NR5A2: variants seen among roughly 807,000 people sequenced by gnomAD.
NR5A2 encodes the protein nuclear receptor subfamily 5 group A member 2.
A neutral mutation model predicts 62.7 loss-of-function variants in NR5A2; 26 were observed. The ratio of observed to expected loss-of-function variants is 0.41; its 90% confidence interval spans 0.30 to 0.58. The LOEUF (loss-of-function observed/expected upper bound fraction) is 0.58. NR5A2 is among the 20% of genes least tolerant of loss of function. The pLI is 0.22. For synonymous variants in NR5A2, 246 were observed against 241.7 expected, an observed-to-expected ratio of 1.02 and a Z score of -0.16; for missense variants, 541 against 669.1, an observed-to-expected ratio of 0.81 and a Z score of 2.11.
At chr1:200,084,897 G>A (rs1478725679) in intron 5 of NR5A2, among the ~76,000 whole-genome samples, 3 of 152,176 alleles carry the variant, frequency 2.0e-5, no homozygotes, top group African/African-American at 7.2e-5. Context: ...ATAATGCTAT[G>A]GTCGAATACT....
intron 7 of NR5A2, among the ~76,000 whole-genome samples, chr1:200,173,401 T>G (rs1484274529): frequency 6.6e-6 from 1 of 152,234 alleles, no homozygotes; most frequent in Non-Finnish European, 1.5e-5. Flanking sequence ...AATATTCTGT[T>G]GGCAGTCACT....
rs751524015 is a variant in NR5A2, at chr1:200,175,322, T to C, written c.*1112T>C. 2.0e-5 allele frequency: 3 copies of C among 152,468 alleles called. No individual in the cohort carries two copies. The highest frequency in any genetic ancestry group is 4.4e-5 in the Non-Finnish European group (3 of 68,036). 9.4% of individuals were successfully genotyped at this position (152,468 alleles called of 1,614,324 possible). On this transcript the variant is annotated 3_prime_UTR_variant, in exon 8 of 8. Coordinates refer to ENST00000367362, the MANE Select transcript of NR5A2 (RefSeq NM_205860.3). ...AATTGAACATCCTCAAGAGTTGGGA[T>C]GGAAATGGTGATTTTTACATGTGTC...
At chr1:200,045,852 A>G (rs1032472009) in intron 4 of NR5A2, among the ~76,000 whole-genome samples, 2 of 152,154 alleles carry the variant, frequency 1.3e-5, no homozygotes, top group African/African-American at 4.8e-5. Context: ...TGCATTAGAC[A>G]CAAAAAAGGG....
chr1:200,033,119 A>G (rs1307881671), intron 1 of NR5A2, among the ~76,000 whole-genome samples: 2 of 152,182 alleles, frequency 1.3e-5, no homozygotes, highest in Admixed American at 6.6e-5. Flanking sequence ...GGTGGGACAA[A>G]GGCACTTCTG....
chr1:200,079,550 A>G (rs1174815932), intron 5 of NR5A2, among the ~76,000 whole-genome samples: 3 of 152,220 alleles, frequency 2.0e-5, no homozygotes, highest in Non-Finnish European at 2.9e-5. Flanking sequence ...TAAAACGGGC[A>G]TTGGCTTTCA....
chr1:200,143,435 C>T (rs2363574), intron 7 of NR5A2, among the ~76,000 whole-genome samples: 130,260 of 149,802 alleles, frequency 0.87, 58,458 homozygotes, highest in Non-Finnish European at 0.98. Context: ...TTTTTTTTTT[C>T]CCCCTTCTTT....
chr1:200,110,385 T>C (rs1665886587), intron 5 of NR5A2, among the ~76,000 whole-genome samples: 1 of 152,292 alleles, frequency 6.6e-6, no homozygotes, highest in Admixed American at 6.5e-5. Context: ...GGACTGGACA[T>C]GAGACAGATG....
chr1:200,106,011 G>A (rs1227906832), intron 5 of NR5A2, among the ~76,000 whole-genome samples: 1 of 121,534 alleles, frequency 8.2e-6, no homozygotes, highest in Non-Finnish European at 1.8e-5. Flanking sequence ...CTAAATGTGG[G>A]CTTGACAAAG....
At position 200,039,639 on chromosome 1, in the gene NR5A2, C is replaced by T; in HGVS notation, c.65-19C>T. On this transcript the variant is annotated intron_variant, in intron 1 of 7. Coordinates refer to ENST00000367362, the MANE Select transcript of NR5A2 (RefSeq NM_205860.3). This position sits in a 1 kb window ranked among gnomAD's most constrained non-coding sequence, Gnocchi z 5.1. ...TTCCTTCTTTTCGCCGGAGTTGAAT[C>T]TGTGCTGCCCGTGTCCAGGTGCTGG... The T allele has an allele frequency of 6.2e-7, 1 of 1,609,642 alleles. No homozygotes were observed. The highest frequency in any genetic ancestry group is 8.5e-7 in the Non-Finnish European group (1 of 1,178,222).
chr1:200,085,644 C>A (rs1169331939), intron 5 of NR5A2, among the ~76,000 whole-genome samples: 28 of 140,336 alleles, frequency 2.0e-4, no homozygotes, highest in African/African-American at 7.0e-4. Flanking sequence ...TAGAGCACAA[C>A]AGAATGAAGA....
intron 7 of NR5A2, among the ~76,000 whole-genome samples, chr1:200,129,588 C>G (rs751414689): frequency 6.6e-6 from 1 of 152,176 alleles, no homozygotes; most frequent in Non-Finnish European, 1.5e-5. Context: ...CCATGCATAG[C>G]CTCTTCACCC....
rs550551812 is a variant in NR5A2, at chr1:200,177,367, AT to A, written c.*3167del. On this transcript the variant is annotated 3_prime_UTR_variant, in exon 8 of 8. Transcript: ENST00000367362. ...GCCAGGAACTTCTCAACAAAATGGA[AT>A]TTTTTTTTTCAGTATTTCAATAAAT... 0.13 allele frequency: 3,750 copies of A among 28,584 alleles called. 66 individuals are homozygous for A. The highest frequency in any genetic ancestry group is 0.21 in the Non-Finnish European group (2,740 of 12,914). 1.8% of individuals were successfully genotyped at this position (28,584 alleles called of 1,614,324 possible). A position where few individuals can be genotyped will look rare whatever the true frequency, so the allele number is the denominator to read the frequency against.
chr1:200,110,217 G>A (rs899313557), intron 5 of NR5A2, among the ~76,000 whole-genome samples: 4 of 152,140 alleles, frequency 2.6e-5, no homozygotes, highest in African/African-American at 7.2e-5. Flanking sequence ...ACATATAAAT[G>A]GCAGTTGCTT....
intron 5 of NR5A2, among the ~76,000 whole-genome samples, chr1:200,095,140 A>G (rs896939017): frequency 6.6e-6 from 1 of 151,286 alleles, no homozygotes; most frequent in Non-Finnish European, 1.5e-5. Context: ...AAAAAAAAAA[A>G]AAAGATCTCA....
chr1:200,157,583 CT>C (rs1182505673), intron 7 of NR5A2, among the ~76,000 whole-genome samples: 2 of 152,202 alleles, frequency 1.3e-5, no homozygotes, highest in Non-Finnish European at 2.9e-5. Flanking sequence ...GTTATTTTCT[CT>C]GCCACATGGT....
Position 200,066,588 on chromosome 1 carries a change from C to CTTTTTTTTTTTTTTTTT in NR5A2, c.1110+17771_1110+17787dup, listed in dbSNP as rs756874909. On this transcript the variant is annotated intron_variant, in intron 5 of 7. Coordinates refer to ENST00000367362, the MANE Select transcript of NR5A2 (RefSeq NM_205860.3). The stretch of plus-strand genomic sequence containing the variant: ...CCCTGCCATCTATTTAATTAATTAT[C>CTTTTTTTTTTTTTTTTT]TTTTTTTTTTTTTTTTTGAGAGGGA... Among the ~76,000 whole-genome samples the CTTTTTTTTTTTTTTTTT allele has an allele frequency of 1.3e-3, 145 of 113,120 alleles. 18 individuals carry two copies. The highest frequency in any genetic ancestry group is 3.6e-3 in the African/African-American group (88 of 24,438). 74.2% of individuals were successfully genotyped at this position (113,120 alleles called of 152,430 possible). A position where few individuals can be genotyped will look rare whatever the true frequency, so the allele number is the denominator to read the frequency against.
At position 200,174,019 on chromosome 1, in the gene NR5A2, G is replaced by T. The variant is rs1286138099; in HGVS notation, c.1435G>T (p.Ala479Ser). ...LVEGVQEQVN[A>S]ALLDYTMCNY... ...AGAAGGTGTCCAGGAACAAGTCAATGCCGCCCTGCTGGACTACACAATGTG... is the reference window on the plus strand; with the variant it reads ...AGAAGGTGTCCAGGAACAAGTCAATTCCGCCCTGCTGGACTACACAATGTG... Residue 479 changes from alanine to serine, a missense_variant, in exon 8 of 8, where the codon GCC becomes TCC. Coordinates refer to ENST00000367362, the MANE Select transcript of NR5A2 (RefSeq NM_205860.3). 6.2e-7 allele frequency: 1 copy of T among 1,602,834 alleles called. No individual in the cohort carries two copies. The highest frequency in any genetic ancestry group is 8.5e-7 in the Non-Finnish European group (1 of 1,175,198).
intron 5 of NR5A2, among the ~76,000 whole-genome samples, chr1:200,073,461 C>T (rs1321119048): frequency 6.6e-6 from 1 of 151,312 alleles, no homozygotes; most frequent in Non-Finnish European, 1.5e-5. Flanking sequence ...ATAAAAATGG[C>T]ACAGTATTTA....
intron 5 of NR5A2, among the ~76,000 whole-genome samples, chr1:200,072,132 T>A (rs1175635315): frequency 6.6e-6 from 1 of 152,038 alleles, no homozygotes; most frequent in East Asian, 1.9e-4. Context: ...ATACCAGGAG[T>A]AAATCTAGGA....
Sources: gnomAD v4.1 joint callset for allele counts (sites outside exome capture counted in the v4.1 genomes callset) on GRCh38, gnomAD v4.1.1 for gene constraint, Gnocchi (gnomAD v3.1) non-coding constraint, MANE v1.5 for transcripts, NCBI Gene and HGNC (gene_info 2026-07-23, HGNC 2026-07-21) for gene names.